ZEB2: variants seen among roughly 807,000 people sequenced by gnomAD.
ZEB2 encodes the protein zinc finger E-box-binding homeobox 2.
Under a neutral mutation model 99.9 loss-of-function variants are expected in ZEB2, and 6 were observed. The observed-to-expected ratio is 0.06, with a 90% CI of 0.03 to 0.12. The LOEUF (loss-of-function observed/expected upper bound fraction) is 0.12, where lower values mean the gene tolerates loss of function less well. ZEB2 is among the 10% of genes least tolerant of loss of function. ZEB2 has a pLI of 1.00. For synonymous variants in ZEB2, 517 were observed against 542.5 expected (o/e 0.95, Z 0.65); for missense variants, 969 against 1,502.8 (o/e 0.64, Z 5.87).
chr2:144,424,658 CA>C, intron 4 of ZEB2, 137 bp downstream of exon 4: 1 of 1,043,004 alleles, frequency 9.6e-7, no homozygotes, highest in Non-Finnish European at 1.5e-6. Flanking sequence ...TGATTTGAAA[CA>C]AAACCAGAGA....
chr2:144,505,514 C>T (rs913600766), intron 2 of ZEB2, among the ~76,000 whole-genome samples: 4 of 152,140 alleles, frequency 2.6e-5, no homozygotes, highest in Non-Finnish European at 5.9e-5. Flanking sequence ...ACCACTGACA[C>T]CTTAAAAAAT....
chr2:144,503,720 A>G (rs180825169), intron 2 of ZEB2: 29 of 150,386 alleles, frequency 1.9e-4, no homozygotes, highest in Admixed American at 7.2e-4. Flanking sequence ...TTTTGCAATC[A>G]TAGAATTTTT....
At chr2:144,390,054 G>C (rs748042069) in intron 9 of ZEB2, 26 bp from the exon 10 acceptor site, 2 of 1,597,102 alleles carry the variant, frequency 1.3e-6, no homozygotes, top group South Asian at 1.1e-5. Context: ...AGATGACAGG[G>C]TGATTAGTGT....
intron 2 of ZEB2, among the ~76,000 whole-genome samples, chr2:144,451,135 A>T (rs1247079871): frequency 6.6e-6 from 1 of 152,200 alleles, no homozygotes; most frequent in Non-Finnish European, 1.5e-5. Context: ...AACACATTTA[A>T]ATTTATTACT....
intron 3 of ZEB2, 126 bp from the exon 4 acceptor site, chr2:144,424,993 TA>T: frequency 1.1e-6 from 1 of 937,776 alleles, no homozygotes; most frequent in East Asian, 2.6e-5. Flanking sequence ...TGTAGACCTC[TA>T]AACAATAGCT....
chr2:144,445,646 A>C (rs1439918277), intron 2 of ZEB2, among the ~76,000 whole-genome samples: 2 of 151,892 alleles, frequency 1.3e-5, no homozygotes, highest in South Asian at 2.1e-4. Context: ...CCATTTCACA[A>C]CCCCTAACTG....
At chr2:144,445,883 G>A (rs1443499214) in intron 2 of ZEB2, among the ~76,000 whole-genome samples, 1 of 152,220 alleles carries the variant, frequency 6.6e-6, no homozygotes, top group Non-Finnish European at 1.5e-5. Context: ...AAGCTCTGCT[G>A]TGTCAATGGT....
rs1268800323 is a variant in ZEB2 at position 144,386,656 on chromosome 2, GC to G, written c.*2794del. On this transcript the variant is annotated 3_prime_UTR_variant, in exon 10 of 10. Coordinates refer to ENST00000627532, the MANE Select transcript of ZEB2 (RefSeq NM_014795.4). ...CTCTTGTGGATTGGGACACAGATATGCCCCATGGGCAACAGAGACCTACATT... is the reference window on the plus strand; with the variant it reads ...CTCTTGTGGATTGGGACACAGATATGCCCATGGGCAACAGAGACCTACATT... The G allele has an allele frequency of 6.6e-6, 1 of 152,132 alleles. No individual in the cohort carries two copies. Among genetic ancestry groups the G allele is most frequent in the Non-Finnish European group, 1.5e-5 (1 of 68,028 alleles). The allele number at this position is 152,132 out of a possible 1,614,324, so 9.4% of individuals were successfully genotyped here.
intron 2 of ZEB2, among the ~76,000 whole-genome samples, chr2:144,452,481 C>T (rs1042840278): frequency 6.6e-6 from 1 of 152,178 alleles, no homozygotes; most frequent in African/African-American, 2.4e-5. Flanking sequence ...AAAGGCTAAA[C>T]ACTTGTTAAA....
chr2:144,400,779 C>T (rs1400222787), intron 7 of ZEB2, among the ~76,000 whole-genome samples: 1 of 152,104 alleles, frequency 6.6e-6, no homozygotes. Context: ...GATCCACGGC[C>T]CTCAGGAATC....
At position 144,513,889 on chromosome 2, in the gene ZEB2, G is replaced by C. The variant is rs1442316511; in HGVS notation, c.73+3389C>G. 7 of 1,517,594 alleles carry C rather than the reference G, an allele frequency of 4.6e-6. No homozygotes were observed. In the South Asian group the frequency reaches 7.3e-5, roughly 16 times the overall value. The allele number at this position is 1,517,594 out of a possible 1,614,324, so 94.0% of individuals were successfully genotyped here. ...CCAGCGTCAGTGAAAGTGTTACAAA[G>C]TGAGTCAGGCGACTGAGGATCATCT... is the stretch of plus-strand genomic sequence containing the variant. On this transcript the variant is annotated intron_variant, in intron 2 of 9. Coordinates refer to ENST00000627532, the MANE Select transcript of ZEB2 (RefSeq NM_014795.4).
chr2:144,475,140 G>T (rs1312510499), intron 2 of ZEB2, among the ~76,000 whole-genome samples: 1 of 152,148 alleles, frequency 6.6e-6, no homozygotes, highest in Admixed American at 6.5e-5. Flanking sequence ...TAAAAGTATG[G>T]TTTTCTCACT....
At chr2:144,405,519 C>T (rs1287824240) in intron 4 of ZEB2, 1 of 169,282 alleles carries the variant, frequency 5.9e-6, no homozygotes, top group Admixed American at 5.9e-5. Context: ...TAACCCTCCA[C>T]CCTCTGAATG....
chr2:144,472,181 G>A (rs1560638730), intron 2 of ZEB2, among the ~76,000 whole-genome samples: 1 of 149,676 alleles, frequency 6.7e-6, no homozygotes, highest in Non-Finnish European at 1.5e-5. Flanking sequence ...AGAAGCATTT[G>A]GTCATGTTTT....
In ZEB2 at chr2:144,389,521, T is replaced by G. The variant is rs752093966; in HGVS notation, c.3575A>C (p.Asp1192Ala). The change falls in exon 10 of 10, where the codon GAT becomes GCT. Residue 1192 changes from aspartate to alanine, a missense_variant. Asp to Ala is a moderately radical substitution (Grantham distance 126). Around this residue, in one of 8 missense-constraint regions of ZEB2, gnomAD observed 121 missense variants for 166.4 expected, o/e 0.73. Coordinates refer to ENST00000627532, the MANE Select transcript of ZEB2 (RefSeq NM_014795.4). The surrounding 1 kb of genome is among the most constrained non-coding windows in gnomAD (Gnocchi z 6.8). ...EEETGDHSMD[D>A]SSEDGKMETK... Reference sequence around the variant, plus strand: ...TTCCATTTTCCCATCCTCCGAACTATCGTCCATGGAGTGATCTCCAGTCTC... The same window carrying G: ...TTCCATTTTCCCATCCTCCGAACTAGCGTCCATGGAGTGATCTCCAGTCTC... 2.5e-6 allele frequency: 4 copies of G among 1,614,170 alleles called. No individual in the cohort carries two copies. Among genetic ancestry groups the G allele is most frequent in the Non-Finnish European group, 3.4e-6 (4 of 1,180,036 alleles).
At chr2:144,430,122 T>TC in intron 2 of ZEB2, 96 bp from the exon 3 acceptor site, 3 of 1,521,432 alleles carry the variant, frequency 2.0e-6, no homozygotes, top group Non-Finnish European at 2.7e-6. Flanking sequence ...ATTAATATTT[T>TC]CATAACTGAA....
intron 2 of ZEB2, among the ~76,000 whole-genome samples, 180 bp downstream of exon 2, chr2:144,517,098 C>G (rs950381487): frequency 2.7e-5 from 4 of 150,410 alleles, no homozygotes; most frequent in Admixed American, 2.0e-4. Context: ...TTCCCCAACA[C>G]CCCCCGGTCC....
At chr2:144,404,413 C>T (rs1450926254) in intron 5 of ZEB2, among the ~76,000 whole-genome samples, 1 of 149,950 alleles carries the variant, frequency 6.7e-6, no homozygotes. Flanking sequence ...TGAGGAAATT[C>T]TCTTTAGGTG....
intron 2 of ZEB2, among the ~76,000 whole-genome samples, chr2:144,480,428 C>G (rs1310121204): frequency 6.6e-6 from 1 of 152,068 alleles, no homozygotes; most frequent in Admixed American, 6.6e-5. Flanking sequence ...GCATTTGGAG[C>G]CAATGAAATT....
Sources: allele counts gnomAD v4.1 joint callset (sites outside exome capture counted in the v4.1 genomes callset), GRCh38; gene constraint gnomAD v4.1.1; regional missense constraint gnomAD v4.1.1; non-coding constraint Gnocchi (gnomAD v3.1); transcripts MANE v1.5; gene names NCBI Gene and HGNC (gene_info 2026-07-23, HGNC 2026-07-21).